The following TENM2 variants were observed in gnomAD, a reference collection of about 807,000 sequenced individuals.
The protein encoded by TENM2 is teneurin transmembrane protein 2.
In TENM2, 52 loss-of-function variants were observed where a neutral mutation model predicts 245.2. The ratio of observed to expected loss-of-function variants is 0.21; its 90% CI spans 0.17 to 0.27. The LOEUF is 0.27. Among genes scored for constraint, TENM2 ranks in the 10% least tolerant of loss-of-function variants. The pLI, the probability that TENM2 is intolerant of heterozygous loss-of-function variation, is 1.00. For synonymous variants in TENM2, 1,363 were observed against 1,438.9 expected (o/e 0.95, Z 1.19); for missense variants, 3,046 against 3,666.8 (o/e 0.83, Z 4.37).
At chr5:167,528,141 G>A (rs2127590232) in intron 2 of TENM2, among the ~76,000 whole-genome samples, 1 of 152,192 alleles carries the variant, frequency 6.6e-6, no homozygotes, top group East Asian at 1.9e-4. Context: ...AAAGCCTGAC[G>A]ATTTGGAGGC....
intron 5 of TENM2, among the ~76,000 whole-genome samples, chr5:168,015,365 A>C (rs894350392): frequency 2.0e-5 from 3 of 152,214 alleles, no homozygotes; most frequent in Non-Finnish European, 4.4e-5. Flanking sequence ...GAACTTGTCC[A>C]CGACACAAGG....
At position 167,640,800 on chromosome 5, in the gene TENM2, T is replaced by C. The variant is rs1256973792; in HGVS notation, c.503-235186T>C. On this transcript the variant is annotated intron_variant, in intron 2 of 28. Coordinates refer to ENST00000518659, the Ensembl canonical transcript of TENM2. ...ATATCACATAAGGCAGTGTTACCTA[T>C]AGAGAAATAGAAACAAAAATAGAAA... is the stretch of plus-strand genomic sequence containing the variant. Among the ~76,000 whole-genome samples the C allele has an allele frequency of 2.2e-5, 3 of 136,910 alleles. No individual in the cohort carries two copies. In the Admixed American group the frequency reaches 2.3e-4, roughly 10 times the overall value. 89.8% of individuals were successfully genotyped at this position (136,910 alleles called of 152,430 possible).
At chr5:167,401,993 T>C (rs1762392522) in intron 2 of TENM2, among the ~76,000 whole-genome samples, 1 of 152,184 alleles carries the variant, frequency 6.6e-6, no homozygotes, top group Non-Finnish European at 1.5e-5. Flanking sequence ...TCCTTTACTT[T>C]GATTATTTAA....
intron 2 of TENM2, among the ~76,000 whole-genome samples, chr5:167,702,550 G>GTA (rs1231606702): frequency 2.1e-5 from 2 of 95,988 alleles, no homozygotes; most frequent in South Asian, 6.5e-4. Context: ...ATGTGTGTGT[G>GTA]TGTATATATA....
chr5:167,435,148 T>C (rs1400674613), intron 2 of TENM2, among the ~76,000 whole-genome samples: 3 of 144,892 alleles, frequency 2.1e-5, no homozygotes, highest in African/African-American at 7.8e-5. Flanking sequence ...TTATCAGTAG[T>C]TTCATGGGGG....
chr5:167,440,342 G>A (rs953978087), intron 2 of TENM2, among the ~76,000 whole-genome samples: 2 of 152,180 alleles, frequency 1.3e-5, no homozygotes, highest in African/African-American at 4.8e-5. Context: ...CTAATGGAGA[G>A]ATGGCTAATA....
chr5:168,246,361 T>C (rs892836247), intron 26 of TENM2, among the ~76,000 whole-genome samples: 2 of 152,240 alleles, frequency 1.3e-5, no homozygotes, highest in Non-Finnish European at 1.5e-5. Context: ...TTCCTTGTTA[T>C]TGAGCATGGA....
intron 13 of TENM2, among the ~76,000 whole-genome samples, chr5:168,184,087 A>G (rs1329553647): frequency 6.6e-6 from 1 of 152,140 alleles, no homozygotes; most frequent in East Asian, 1.9e-4. Flanking sequence ...CTCCTCATCA[A>G]GGTAACTACA....
chr5:167,923,861 C>A (rs1302581521), intron 3 of TENM2, among the ~76,000 whole-genome samples: 1 of 152,082 alleles, frequency 6.6e-6, no homozygotes, highest in Non-Finnish European at 1.5e-5. Flanking sequence ...CCGGCCATCA[C>A]CTTTCCGTCA....
rs183162670 is a variant in TENM2 at position 167,368,356 on chromosome 5, T to C, written c.227-6842T>C. ...CATATATAGTCATGTTACAGCAAAA[T>C]TGTTTGATTGTACCACATTATATCC... On this transcript the variant is annotated intron_variant, in intron 1 of 28. Transcript: ENST00000518659. 8.9e-4 allele frequency among the ~76,000 whole-genome samples: 136 copies of C among 152,180 alleles called. 1 individual carries two copies. The highest frequency in any genetic ancestry group is 3.1e-3 in the African/African-American group (128 of 41,522).
At chr5:167,060,974 A>G in the TENM2 span, among the ~76,000 whole-genome samples, 1 of 152,070 alleles carries the variant, frequency 6.6e-6, no homozygotes, top group African/African-American at 2.4e-5. Context: ...CAGAATTAGA[A>G]TATTTGAGGG....
At chr5:167,894,468 C>CAG (rs1775013884) in intron 3 of TENM2, among the ~76,000 whole-genome samples, 1 of 151,666 alleles carries the variant, frequency 6.6e-6, no homozygotes, top group African/African-American at 2.4e-5. Flanking sequence ...CACTCTGTGA[C>CAG]TAGACTTCTT....
intron 1 of TENM2, chr5:167,296,559 A>G (rs1295748969): frequency 1.3e-5 from 2 of 152,146 alleles, no homozygotes; most frequent in African/African-American, 4.8e-5. Flanking sequence ...AAAGAAAAAA[A>G]GAAAGAAAGA....
chr5:167,930,162 G>A (rs1372678340), intron 3 of TENM2, among the ~76,000 whole-genome samples: 5 of 152,206 alleles, frequency 3.3e-5, no homozygotes, highest in South Asian at 4.1e-4. Context: ...AAGATCAATT[G>A]AGTTTGGCCT....
Position 167,752,261 on chromosome 5 carries a change from A to ATT in TENM2, c.503-123702_503-123701dup, listed in dbSNP as rs575290973. ...AGGTGCCCGCCACCATGCCCAGCTA[A>ATT]TTTTTTTTTTTTTTTTTTTTTTTTG... is the stretch of plus-strand genomic sequence containing the variant. On this transcript the variant is annotated intron_variant, in intron 2 of 28. Transcript: ENST00000518659. Among the ~76,000 whole-genome samples, 224 of 123,354 alleles carry ATT rather than the reference A, an allele frequency of 1.8e-3. 1 individual carries two copies. The highest frequency in any genetic ancestry group is 2.7e-3 in the African/African-American group (85 of 31,164). The allele number at this position is 123,354 out of a possible 152,430, so 80.9% of individuals were successfully genotyped here. A position where few individuals can be genotyped will look rare whatever the true frequency, so the allele number is the denominator to read the frequency against.
At chr5:167,424,585 A>G (rs1465694915) in intron 2 of TENM2, among the ~76,000 whole-genome samples, 1 of 152,214 alleles carries the variant, frequency 6.6e-6, no homozygotes. Context: ...GATAGTTATT[A>G]TGGGAGAACA....
At chr5:166,981,401 G>A in the TENM2 span, among the ~76,000 whole-genome samples, 1 of 152,142 alleles carries the variant, frequency 6.6e-6, no homozygotes, top group Non-Finnish European at 1.5e-5. Context: ...TTTGAGTGAA[G>A]CATTTGTTTG....
chr5:167,648,352 G>A (rs963156637), intron 2 of TENM2, among the ~76,000 whole-genome samples: 1 of 152,092 alleles, frequency 6.6e-6, no homozygotes, highest in African/African-American at 2.4e-5. Flanking sequence ...ATAATAATTA[G>A]GAATTCTACT....
intron 1 of TENM2, among the ~76,000 whole-genome samples, chr5:167,299,000 A>AT (rs1158602744): frequency 1.3e-5 from 2 of 152,194 alleles, no homozygotes; most frequent in Non-Finnish European, 2.9e-5. Flanking sequence ...AGGAGCGTCC[A>AT]TACAGGAGCT....
Sources: gnomAD v4.1 joint callset for allele counts (sites outside exome capture counted in the v4.1 genomes callset) on GRCh38, gnomAD v4.1.1 for gene constraint, MANE v1.5 for transcripts, NCBI Gene and HGNC (gene_info 2026-07-23, HGNC 2026-07-21) for gene names.